Variants in UNC13C observed in about 807,000 individuals in gnomAD.
The protein encoded by UNC13C is protein unc-13 homolog C.
A neutral mutation model predicts 245.4 loss-of-function variants in UNC13C; 174 were observed. The observed-to-expected ratio is 0.71, with a 90% CI of 0.63 to 0.80. UNC13C has a LOEUF of 0.80. UNC13C is among the 30% of genes least tolerant of loss of function. The probability of loss-of-function intolerance (pLI) is 0.00; values close to 1 mark genes in which losing one functional copy is unlikely to be tolerated. For synonymous variants in UNC13C, 992 were observed against 895.1 expected, an observed-to-expected ratio of 1.11 and a Z score of -1.93; for missense variants, 2,829 against 2,602.9, an observed-to-expected ratio of 1.09 and a Z score of -1.89.
chr15:53,931,038 A>G, the UNC13C span, among the ~76,000 whole-genome samples: 1 of 152,228 alleles, frequency 6.6e-6, no homozygotes, highest in South Asian at 2.1e-4. Context: ...TTTGCCAGGG[A>G]AAGAACCAGC....
rs766662432 is a variant in UNC13C at position 54,013,188 on chromosome 15, A to G, written c.285A>G (p.Arg95=). The G allele has an allele frequency of 3.1e-5, 50 of 1,613,732 alleles. No homozygotes were observed. The highest frequency in any genetic ancestry group is 1.6e-4 in the Middle Eastern group (1 of 6,084). Residue 95 remains arginine, a synonymous_variant, in exon 2 of 33, where the codon CGA becomes CGG. Transcript: ENST00000260323. ...EFSLSPTFSY[R]VAIANGLQKN... is the part of the protein sequence containing the mutation. ...CCCTCTCACCAACATTCAGTTACCG[A>G]GTAGCTATTGCCAATGGCCTACAAA...
At chr15:53,957,154 T>TGTTTG in the UNC13C span, among the ~76,000 whole-genome samples, 16,857 of 151,798 alleles carry the variant, frequency 0.11, 1,255 homozygotes, top group East Asian at 0.31. Flanking sequence ...TTTGTTTGTT[T>TGTTTG]TTTTTGAGAC....
chr15:54,059,306 T>C (rs1225759452), intron 2 of UNC13C, among the ~76,000 whole-genome samples: 3 of 152,108 alleles, frequency 2.0e-5, no homozygotes, highest in African/African-American at 7.2e-5. Flanking sequence ...CACAAGCATT[T>C]TTATACACCA....
chr15:54,620,895 G>T (rs1385527938), intron 30 of UNC13C, among the ~76,000 whole-genome samples: 3 of 152,108 alleles, frequency 2.0e-5, no homozygotes, highest in Non-Finnish European at 2.9e-5. Context: ...CTTTCTCCTG[G>T]TGGTAGTCTC....
At chr15:53,918,685 A>G in the UNC13C span, among the ~76,000 whole-genome samples, 1 of 152,300 alleles carries the variant, frequency 6.6e-6, no homozygotes, top group South Asian at 2.1e-4. Context: ...GCTGGGTCCC[A>G]CAGGGACTCA....
chr15:53,969,345 G>T, the UNC13C span, among the ~76,000 whole-genome samples: 43 of 152,104 alleles, frequency 2.8e-4, no homozygotes, highest in Non-Finnish European at 5.9e-4. Context: ...AACTCAAGCA[G>T]GAATTTGATA....
chr15:53,884,792 G>A, the UNC13C span, among the ~76,000 whole-genome samples: 1 of 152,090 alleles, frequency 6.6e-6, no homozygotes, highest in Non-Finnish European at 1.5e-5. Context: ...CCTAAAGAAG[G>A]ACTCTCTTCT....
At chr15:54,588,517 A>T (rs903923814) in intron 30 of UNC13C, among the ~76,000 whole-genome samples, 1 of 151,966 alleles carries the variant, frequency 6.6e-6, no homozygotes, top group South Asian at 2.1e-4. Flanking sequence ...TTTTTTTTCC[A>T]TAAGTTATTG....
intron 27 of UNC13C, among the ~76,000 whole-genome samples, chr15:54,548,208 C>CTTTTTTTTTTTTTTTTTTTTTTTTTTTT (rs60975842): frequency 1.6e-5 from 1 of 61,878 alleles, no homozygotes; most frequent in Non-Finnish European, 3.9e-5. Context: ...GTTTCTTTTG[C>CTTTTTTTTTTTTTTTTTTTTTTTTTTTT]TTTTTTTTTT....
intron 10 of UNC13C, among the ~76,000 whole-genome samples, chr15:54,279,288 G>A (rs928312601): frequency 6.6e-6 from 1 of 152,138 alleles, no homozygotes; most frequent in Non-Finnish European, 1.5e-5. Flanking sequence ...CATTTGCTCC[G>A]TTTGAGATAA....
chr15:53,915,381 C>T, the UNC13C span, among the ~76,000 whole-genome samples: 2 of 152,070 alleles, frequency 1.3e-5, no homozygotes, highest in African/African-American at 4.8e-5. Context: ...ATATAACAAC[C>T]GGGCTGTAGA....
intron 30 of UNC13C, among the ~76,000 whole-genome samples, chr15:54,591,106 G>A (rs1315527230): frequency 6.6e-6 from 1 of 152,076 alleles, no homozygotes; most frequent in Non-Finnish European, 1.5e-5. Flanking sequence ...TTTGACTTGT[G>A]TATGTTACAC....
At chr15:54,155,854 C>G (rs1264844706) in intron 4 of UNC13C, among the ~76,000 whole-genome samples, 1 of 152,094 alleles carries the variant, frequency 6.6e-6, no homozygotes, top group Non-Finnish European at 1.5e-5. Flanking sequence ...AAATAAAATG[C>G]AGACCAGAAA....
intron 18 of UNC13C, among the ~76,000 whole-genome samples, chr15:54,397,223 C>A (rs932189240): frequency 1.3e-5 from 2 of 151,392 alleles, no homozygotes; most frequent in African/African-American, 2.4e-5. Context: ...TCAAGTTTAA[C>A]TTTCTTTGGA....
intron 19 of UNC13C, among the ~76,000 whole-genome samples, chr15:54,479,329 A>T (rs1892970130): frequency 6.6e-6 from 1 of 151,956 alleles, no homozygotes; most frequent in South Asian, 2.1e-4. Context: ...TTATTATATA[A>T]TGTTCTTCTT....
chr15:53,930,385 T>C, the UNC13C span, among the ~76,000 whole-genome samples: 9 of 152,214 alleles, frequency 5.9e-5, no homozygotes, highest in Non-Finnish European at 1.3e-4. Flanking sequence ...AAATAATCTT[T>C]ACCTCTTGAT....
At chr15:54,054,778 C>T (rs948076018) in intron 2 of UNC13C, among the ~76,000 whole-genome samples, 2 of 152,056 alleles carry the variant, frequency 1.3e-5, no homozygotes, top group Middle Eastern at 3.2e-3. Flanking sequence ...GCCCAAATGA[C>T]ATTTTCACGA....
At chr15:54,213,926 T>A (rs1341682183) in intron 4 of UNC13C, among the ~76,000 whole-genome samples, 1 of 151,916 alleles carries the variant, frequency 6.6e-6, no homozygotes, top group Non-Finnish European at 1.5e-5. Context: ...AGATCACATA[T>A]CCAAGGAGGC....
At chr15:53,851,623 G>A in the UNC13C span, among the ~76,000 whole-genome samples, 3 of 152,146 alleles carry the variant, frequency 2.0e-5, no homozygotes, top group Non-Finnish European at 4.4e-5. Context: ...CCTCATTCCA[G>A]AGGGGCCGTG....
Sources: gnomAD v4.1 joint callset for allele counts (sites outside exome capture counted in the v4.1 genomes callset) on GRCh38, gnomAD v4.1.1 for gene constraint, MANE v1.5 for transcripts, NCBI Gene and HGNC (gene_info 2026-07-23, HGNC 2026-07-21) for gene names.